Variants in GAS2 observed in about 807,000 individuals in gnomAD.
GAS2 encodes the protein growth arrest-specific protein 2.
Under a neutral mutation model 37.5 loss-of-function variants are expected in GAS2, and 20 were observed. That is an observed-to-expected ratio of 0.53 (90% confidence interval 0.37 to 0.77). The LOEUF is 0.77. Among genes scored for constraint, GAS2 ranks in the 30% least tolerant of loss-of-function variants. The probability of loss-of-function intolerance (pLI) is 0.00; values close to 1 mark genes in which losing one functional copy is unlikely to be tolerated. For synonymous variants in GAS2, 144 were observed against 132.2 expected, an observed-to-expected ratio of 1.09 and a Z score of -0.61; for missense variants, 336 against 373.4, an observed-to-expected ratio of 0.90 and a Z score of 0.82.
chr11:22,690,601 A>G (rs1590642181), intron 3 of GAS2, among the ~76,000 whole-genome samples: 2 of 152,170 alleles, frequency 1.3e-5, no homozygotes, highest in Non-Finnish European at 2.9e-5. Context: ...AATTCACTGT[A>G]ATTACAAATC....
chr11:22,751,295 T>C (rs938732094), intron 6 of GAS2, among the ~76,000 whole-genome samples: 3 of 152,008 alleles, frequency 2.0e-5, no homozygotes, highest in Admixed American at 2.0e-4. Flanking sequence ...CACCTTTCCA[T>C]CTTTTAAAAT....
At chr11:22,730,204 T>C (rs979431779) in intron 4 of GAS2, among the ~76,000 whole-genome samples, 10 of 151,946 alleles carry the variant, frequency 6.6e-5, no homozygotes, top group African/African-American at 2.2e-4. Context: ...GAAGGAAAAA[T>C]AGATAGTAAT....
At chr11:22,765,095 C>T (rs1854615226) in intron 7 of GAS2, among the ~76,000 whole-genome samples, 1 of 152,142 alleles carries the variant, frequency 6.6e-6, no homozygotes, top group South Asian at 2.1e-4. Context: ...AATCTGCATT[C>T]CCGATTTCTG....
chr11:22,677,407 A>G lies in GAS2; in HGVS notation c.145+2393A>G, dbSNP rs76661573. On this transcript the variant is annotated intron_variant, in intron 2 of 7. Coordinates refer to ENST00000454584, the MANE Select transcript of GAS2 (RefSeq NM_001143830.3). ...AAAGAGGAAGAGAGTTTCATGAGACATGTTCGGGCTAGATCATGTATTACT... is the reference window on the plus strand; with the variant it reads ...AAAGAGGAAGAGAGTTTCATGAGACGTGTTCGGGCTAGATCATGTATTACT... Among the ~76,000 whole-genome samples, 710 of 152,286 alleles carry G rather than the reference A, an allele frequency of 4.7e-3. 8 individuals are homozygous for G. The highest frequency in any genetic ancestry group is 0.016 in the African/African-American group (669 of 41,562).
At chr11:22,776,828 T>C (rs1229253799) in intron 7 of GAS2, among the ~76,000 whole-genome samples, 1 of 152,184 alleles carries the variant, frequency 6.6e-6, no homozygotes. Flanking sequence ...TCACTTAGCC[T>C]TGAGAAAATG....
At chr11:22,756,106 G>A (rs1331176503) in intron 7 of GAS2, among the ~76,000 whole-genome samples, 153 bp downstream of exon 7, 1 of 152,036 alleles carries the variant, frequency 6.6e-6, no homozygotes, top group Non-Finnish European at 1.5e-5. Context: ...ACATTATAAT[G>A]TACTACTGAA....
chr11:22,761,764 C>T (rs999776800), intron 7 of GAS2, among the ~76,000 whole-genome samples: 2 of 152,096 alleles, frequency 1.3e-5, no homozygotes, highest in African/African-American at 4.8e-5. Flanking sequence ...TTCCATTTTA[C>T]AGATGGGGAA....
At chr11:22,722,620 A>T (rs891462483) in intron 3 of GAS2, among the ~76,000 whole-genome samples, 1 of 151,916 alleles carries the variant, frequency 6.6e-6, no homozygotes. Context: ...TTTTTCAGTT[A>T]TGCTTTCCTG....
intron 4 of GAS2, among the ~76,000 whole-genome samples, chr11:22,732,522 T>C (rs894962905): frequency 6.6e-6 from 1 of 151,774 alleles, no homozygotes; most frequent in Non-Finnish European, 1.5e-5. Flanking sequence ...TTTTTCCTTC[T>C]TCTCAGCAGC....
chr11:22,805,793 T>C (rs530317270), intron 7 of GAS2, among the ~76,000 whole-genome samples: 6 of 152,298 alleles, frequency 3.9e-5, no homozygotes, highest in Non-Finnish European at 8.8e-5. Context: ...TATTTCTTGA[T>C]GAAATGCTAA....
At chr11:22,738,870 G>T (rs1278676940) in intron 5 of GAS2, among the ~76,000 whole-genome samples, 1 of 152,152 alleles carries the variant, frequency 6.6e-6, no homozygotes, top group Non-Finnish European at 1.5e-5. Context: ...ATAATTGGGT[G>T]TGCAAAAGAT....
chr11:22,754,820 G>T (rs982722777), intron 6 of GAS2, among the ~76,000 whole-genome samples: 2 of 152,100 alleles, frequency 1.3e-5, no homozygotes, highest in Non-Finnish European at 2.9e-5. Context: ...ACATAAATGG[G>T]GTAGACCCCA....
intron 3 of GAS2, among the ~76,000 whole-genome samples, chr11:22,722,528 T>C (rs1030372718): frequency 5.9e-5 from 9 of 151,948 alleles, no homozygotes; most frequent in African/African-American, 2.2e-4. Flanking sequence ...CCTAAATTTC[T>C]ATCCAATTTA....
rs567149410 is a variant in GAS2, at chr11:22,702,298, G to A, written c.267+16509G>A. On this transcript the variant is annotated intron_variant, in intron 3 of 7. Coordinates refer to ENST00000454584, the MANE Select transcript of GAS2 (RefSeq NM_001143830.3). ...TTTTGATATATAACTCTTGAGGTGGGTGGCAGAAGAAGCCAGTGTCTAAGA... is the reference window on the plus strand; with the variant it reads ...TTTTGATATATAACTCTTGAGGTGGATGGCAGAAGAAGCCAGTGTCTAAGA... 6.6e-5 allele frequency: 10 copies of A among 152,302 alleles called. No individual in the cohort carries two copies. The South Asian group carries it at 2.1e-3, about 32-fold the overall frequency. 9.4% of individuals were successfully genotyped at this position (152,302 alleles called of 1,614,324 possible). A position where few individuals can be genotyped will look rare whatever the true frequency, so the allele number is the denominator to read the frequency against.
At chr11:22,692,552 T>C (rs575074442) in intron 3 of GAS2, among the ~76,000 whole-genome samples, 2 of 152,302 alleles carry the variant, frequency 1.3e-5, no homozygotes, top group Admixed American at 6.5e-5. Flanking sequence ...TCCAGGTCAC[T>C]GACAGATGAG....
chr11:22,730,532 CA>C (rs1256990140), intron 4 of GAS2, among the ~76,000 whole-genome samples: 1 of 151,742 alleles, frequency 6.6e-6, no homozygotes, highest in African/African-American at 2.4e-5. Flanking sequence ...CCCTGCTGTT[CA>C]AACCATGTTG....
intron 3 of GAS2, among the ~76,000 whole-genome samples, chr11:22,709,421 G>A (rs1391581001): frequency 6.6e-6 from 1 of 152,028 alleles, no homozygotes; most frequent in Admixed American, 6.6e-5. Context: ...ATTAATTGAA[G>A]ATAAGCTATT....
chr11:22,663,526 C>G (rs337496), upstream of GAS2, among the ~76,000 whole-genome samples: 142,697 of 152,248 alleles, frequency 0.94, 67,617 homozygotes, highest in East Asian at 1. Context: ...ATGCTTATAC[C>G]TAACACAATT....
intron 7 of GAS2, among the ~76,000 whole-genome samples, chr11:22,780,124 T>C (rs1855478973): frequency 6.6e-6 from 1 of 152,178 alleles, no homozygotes; most frequent in Non-Finnish European, 1.5e-5. Context: ...AACAAACAGG[T>C]ACTGTTTAGA....
Sources: allele counts gnomAD v4.1 joint callset (sites outside exome capture counted in the v4.1 genomes callset), GRCh38; gene constraint gnomAD v4.1.1; transcripts MANE v1.5; gene names NCBI Gene and HGNC (gene_info 2026-07-23, HGNC 2026-07-21).